The following CACNB2 variants were observed in gnomAD, a reference collection of about 807,000 sequenced individuals.
CACNB2 encodes the protein calcium voltage-gated channel auxiliary subunit beta 2, also known as voltage-dependent L-type calcium channel subunit beta-2.
In CACNB2, 42 loss-of-function variants were observed where a neutral mutation model predicts 73.3. That is an observed-to-expected ratio of 0.57 (90% CI 0.45 to 0.74). The LOEUF (loss-of-function observed/expected upper bound fraction) is 0.74. Among genes scored for constraint, CACNB2 ranks in the 30% least tolerant of loss-of-function variants. The pLI is 0.00. For missense variants in CACNB2, 940 were observed against 853.0 expected (o/e 1.10, Z -1.27); for synonymous variants, 348 against 310.3 (o/e 1.12, Z -1.28).
At chr10:18,286,985 T>C (rs1293555549) in intron 2 of CACNB2, among the ~76,000 whole-genome samples, 1 of 152,174 alleles carries the variant, frequency 6.6e-6, no homozygotes, top group Admixed American at 6.5e-5. Context: ...AGTCTATGAA[T>C]AAGTTAAAAT....
intron 3 of CACNB2, among the ~76,000 whole-genome samples, chr10:18,488,491 A>G (rs1309490852): frequency 6.7e-6 from 1 of 149,810 alleles, no homozygotes; most frequent in Non-Finnish European, 1.5e-5. Context: ...AAAAAAAAAA[A>G]AAAAAAAAGA....
intron 2 of CACNB2, among the ~76,000 whole-genome samples, chr10:18,194,859 G>A (rs922759768): frequency 2.0e-5 from 3 of 152,198 alleles, no homozygotes; most frequent in Admixed American, 6.5e-5. Context: ...ATACAGTTTC[G>A]ACATCATGAT....
In CACNB2 at chr10:18,172,924, C is replaced by CTTTTTTTTTTTTTTTTT. The variant is rs58345605; in HGVS notation, c.213+21964_213+21965insTTTTTTTTTTTTTTTTT. Among the ~76,000 whole-genome samples, 210 of 117,432 alleles carry CTTTTTTTTTTTTTTTTT rather than the reference C, an allele frequency of 1.8e-3. 7 individuals are homozygous for CTTTTTTTTTTTTTTTTT. The highest frequency in any genetic ancestry group is 0.014 in the East Asian group (52 of 3,602). 77.0% of individuals were successfully genotyped at this position (117,432 alleles called of 152,430 possible). The stretch of plus-strand genomic sequence containing the variant: ...CTTCAAATAGGGAAAATAATAAGGC[C>CTTTTTTTTTTTTTTTTT]TTTTTTTTTTTTTTTAAATGGAGTT... On this transcript the variant is annotated intron_variant, in intron 2 of 13. Transcript: ENST00000324631.
chr10:18,227,593 T>A (rs910597494), intron 2 of CACNB2, among the ~76,000 whole-genome samples: 35 of 152,134 alleles, frequency 2.3e-4, no homozygotes, highest in African/African-American at 8.2e-4. Context: ...GGGTGATTTA[T>A]TGAGGGAACT....
intron 2 of CACNB2, chr10:18,340,879 G>A (rs2041204769): frequency 1.9e-6 from 3 of 1,613,998 alleles, no homozygotes; most frequent in African/African-American, 2.7e-5. Context: ...TTGCTCCTGT[G>A]AAGAAAATTC....
chr10:18,367,881 GT>G (rs1468637784), intron 2 of CACNB2, among the ~76,000 whole-genome samples: 1 of 152,122 alleles, frequency 6.6e-6, no homozygotes, highest in Non-Finnish European at 1.5e-5. Context: ...GAATTGTGAT[GT>G]AATTTAATTT....
At chr10:18,153,707 G>A (rs925297601) in intron 2 of CACNB2, among the ~76,000 whole-genome samples, 2 of 149,816 alleles carry the variant, frequency 1.3e-5, no homozygotes, top group African/African-American at 4.9e-5. Flanking sequence ...TCAGCCTTGC[G>A]AGTAGCTGGG....
intron 2 of CACNB2, among the ~76,000 whole-genome samples, chr10:18,152,718 AAAAAAAAAAAAAAACAAAAAAC>A (rs1237638275): frequency 5.8e-4 from 76 of 130,212 alleles, no homozygotes; most frequent in Non-Finnish European, 9.8e-4. Context: ...CCAAAAAAAA[AAAAAAAAAAAAAAACAAAAAAC>A]AAAACACTAG....
intron 2 of CACNB2, among the ~76,000 whole-genome samples, chr10:18,164,856 A>C (rs749470985): frequency 3.3e-5 from 5 of 152,140 alleles, no homozygotes; most frequent in Non-Finnish European, 7.3e-5. Flanking sequence ...ACAGGCCAAA[A>C]ATACACGGAC....
chr10:18,324,077 G>T (rs1244527368), intron 2 of CACNB2, among the ~76,000 whole-genome samples: 1 of 152,146 alleles, frequency 6.6e-6, no homozygotes, highest in Admixed American at 6.5e-5. Context: ...GAAGGCAAAT[G>T]AATCTTTGAT....
intron 2 of CACNB2, 119 bp downstream of exon 2, chr10:18,151,094 A>T: frequency 1.3e-6 from 1 of 751,554 alleles, no homozygotes. Flanking sequence ...CTTTTAATTG[A>T]AGTGAAGACG....
At chr10:18,300,937 G>A (rs565382123) in intron 2 of CACNB2, among the ~76,000 whole-genome samples, 3 of 152,274 alleles carry the variant, frequency 2.0e-5, no homozygotes, top group South Asian at 4.1e-4. Flanking sequence ...AGAGTACTCT[G>A]GGGAAAAAAG....
intron 3 of CACNB2, among the ~76,000 whole-genome samples, chr10:18,426,927 T>A (rs962224258): frequency 5.3e-5 from 8 of 151,906 alleles, no homozygotes; most frequent in African/African-American, 1.9e-4. Context: ...GAATTGGTAC[T>A]GAATTTTATC....
chr10:18,478,163 C>T lies in CACNB2; in HGVS notation c.334-20192C>T, dbSNP rs546015155. ...CCCAGGATGGTCTCAAACTCCTGAC[C>T]TAAGTTGATCCTCCCACCTCAGCCT... is the stretch of plus-strand genomic sequence containing the variant. On this transcript the variant is annotated intron_variant, in intron 3 of 13. Coordinates refer to ENST00000324631, the MANE Select transcript of CACNB2 (RefSeq NM_201596.3). Among the ~76,000 whole-genome samples, 6 of 152,256 alleles carry T rather than the reference C, an allele frequency of 3.9e-5. No homozygotes were observed. The South Asian group carries it at 1.2e-3, about 32-fold the overall frequency.
chr10:18,473,468 C>A (rs895921195), intron 3 of CACNB2, among the ~76,000 whole-genome samples: 6 of 152,200 alleles, frequency 3.9e-5, no homozygotes, highest in Non-Finnish European at 8.8e-5. Flanking sequence ...CCTTCCCTTA[C>A]TGAAATCACA....
chr10:18,261,710 A>G, intron 2 of CACNB2, among the ~76,000 whole-genome samples: 1 of 152,154 alleles, frequency 6.6e-6, no homozygotes, highest in East Asian at 1.9e-4. Flanking sequence ...TTGACAAATT[A>G]TAGATAGGCG....
intron 2 of CACNB2, among the ~76,000 whole-genome samples, chr10:18,369,441 T>C (rs1381104119): frequency 6.6e-6 from 1 of 152,172 alleles, no homozygotes; most frequent in African/African-American, 2.4e-5. Context: ...TGTGGGAAGG[T>C]AAAAATCATT....
intron 2 of CACNB2, among the ~76,000 whole-genome samples, chr10:18,207,448 A>G (rs1377701722): frequency 6.6e-6 from 1 of 152,200 alleles, no homozygotes; most frequent in African/African-American, 2.4e-5. Flanking sequence ...GTATATCAGA[A>G]CTATCCATGG....
chr10:18,142,368 A>G (rs905046947), intron 1 of CACNB2, among the ~76,000 whole-genome samples: 3 of 152,356 alleles, frequency 2.0e-5, no homozygotes, highest in East Asian at 1.9e-4. Flanking sequence ...AACCAGCTAC[A>G]TTCCCATCTG....
Sources: allele counts gnomAD v4.1 joint callset (sites outside exome capture counted in the v4.1 genomes callset), GRCh38; gene constraint gnomAD v4.1.1; transcripts MANE v1.5; gene names NCBI Gene and HGNC (gene_info 2026-07-23, HGNC 2026-07-21).